FSD1L: variants seen among roughly 807,000 people sequenced by gnomAD.
FSD1L encodes the protein FSD1-like protein.
Under a neutral mutation model 71.6 loss-of-function variants are expected in FSD1L, and 45 were observed. That is an observed-to-expected ratio of 0.63 (90% CI 0.49 to 0.81). The LOEUF (loss-of-function observed/expected upper bound fraction) is 0.81, where lower values mean the gene tolerates loss of function less well. Ranked by LOEUF, FSD1L falls within the 30% of genes least tolerant of loss-of-function variation. FSD1L has a pLI of 0.00. For synonymous variants in FSD1L, 197 were observed against 207.2 expected, an observed-to-expected ratio of 0.95 and a Z score of 0.42; for missense variants, 561 against 618.1, an observed-to-expected ratio of 0.91 and a Z score of 0.98.
intron 1 of FSD1L, among the ~76,000 whole-genome samples, chr9:105,448,507 C>G (rs562545480): frequency 4.6e-5 from 7 of 152,358 alleles, no homozygotes; most frequent in Admixed American, 4.6e-4. Context: ...GGAGCCATCC[C>G]CCTTTTAAAA....
chr9:105,456,179 ATC>A (rs1172229149), intron 1 of FSD1L, among the ~76,000 whole-genome samples: 1 of 152,122 alleles, frequency 6.6e-6, no homozygotes, highest in Non-Finnish European at 1.5e-5. Context: ...TGAACCTCTG[ATC>A]TCTGTTTTAT....
chr9:105,514,169 T>A (rs1834561750), intron 10 of FSD1L, among the ~76,000 whole-genome samples: 1 of 152,244 alleles, frequency 6.6e-6, no homozygotes, highest in Non-Finnish European at 1.5e-5. Context: ...ATATCTTTAC[T>A]GGAAACCAGA....
At position 105,448,154 on chromosome 9, in the gene FSD1L, A is replaced by G. The variant is rs1829739793; in HGVS notation, c.-67A>G. On this transcript the variant is annotated 5_prime_UTR_variant, in exon 1 of 14. Coordinates refer to ENST00000481272, the MANE Select transcript of FSD1L (RefSeq NM_001145313.3). ...GTGAGTAGCGGTCTTGGGGTGTGCG[A>G]TCTCGCTGAGCCTCCTCACACGGTT... is the stretch of plus-strand genomic sequence containing the variant. The G allele has an allele frequency of 6.6e-7, 1 of 1,508,766 alleles. No homozygotes were observed. Among genetic ancestry groups the G allele is most frequent in the African/African-American group, 1.4e-5 (1 of 70,272 alleles). The allele number at this position is 1,508,766 out of a possible 1,614,324, so 93.5% of individuals were successfully genotyped here.
rs76720382 is a variant in FSD1L at position 105,543,296 on chromosome 9, T to C, written c.1468-3062T>C. ...TTTAAGCTTGTGTCTACTATTAATA[T>C]ATACGGTAGTTGATGATAGTGTCAA... On this transcript the variant is annotated intron_variant, in intron 13 of 13. Transcript: ENST00000481272. Among the ~76,000 whole-genome samples the C allele has an allele frequency of 3.9e-3, 598 of 152,292 alleles. 6 individuals carry two copies. Among genetic ancestry groups the C allele is most frequent in the African/African-American group, 0.013 (544 of 41,566 alleles).
chr9:105,534,531 C>T lies in FSD1L; in HGVS notation c.1064C>T (p.Ser355Phe), dbSNP rs771837196. The T allele has an allele frequency of 6.4e-7, 1 of 1,550,936 alleles. No individual in the cohort carries two copies. The highest frequency in any genetic ancestry group is 1.2e-5 in the South Asian group (1 of 83,996). Residue 355 changes from serine to phenylalanine, a missense_variant, in exon 11 of 14, where the codon TCC becomes TTC. Around this residue, in one of 3 missense-constraint regions of FSD1L, gnomAD observed 410 missense variants for 413.5 expected, o/e 0.99. Transcript: ENST00000481272. ...TPSPKRTSVG[S>F]RPPAVRGSRD... is the part of the protein sequence containing the mutation. ...TCCCCAAAACGAACATCTGTAGGCTCCAGGCCACCAGCAGTAAGAGGCAGT... is the reference window on the plus strand; with the variant it reads ...TCCCCAAAACGAACATCTGTAGGCTTCAGGCCACCAGCAGTAAGAGGCAGT...
intron 1 of FSD1L, among the ~76,000 whole-genome samples, chr9:105,451,450 G>A (rs999073413): frequency 1.5e-4 from 23 of 152,164 alleles, no homozygotes; most frequent in African/African-American, 4.1e-4. Flanking sequence ...GTCAACAAAT[G>A]GATTAGCTTG....
At chr9:105,460,826 C>T (rs1038558411) in intron 1 of FSD1L, among the ~76,000 whole-genome samples, 4 of 152,038 alleles carry the variant, frequency 2.6e-5, no homozygotes, top group Admixed American at 1.3e-4. Flanking sequence ...CATGAGTGAA[C>T]GGTGTAAATT....
intron 6 of FSD1L, among the ~76,000 whole-genome samples, chr9:105,481,820 T>C (rs1832222633): frequency 6.6e-6 from 1 of 151,958 alleles, no homozygotes; most frequent in Non-Finnish European, 1.5e-5. Flanking sequence ...TCACCCAGGC[T>C]GGAGTGCAGT....
intron 12 of FSD1L, among the ~76,000 whole-genome samples, chr9:105,536,909 T>G (rs57597571): frequency 0.28 from 42,059 of 152,072 alleles, 6,058 homozygotes; most frequent in Non-Finnish European, 0.31. Flanking sequence ...AGTGCAGGGA[T>G]TACTGCCATG....
intron 7 of FSD1L, among the ~76,000 whole-genome samples, chr9:105,498,765 T>G (rs936916140): frequency 7.9e-5 from 12 of 152,186 alleles, no homozygotes; most frequent in African/African-American, 2.4e-4. Flanking sequence ...ATTTATTCTT[T>G]GACTATGTGT....
intron 10 of FSD1L, chr9:105,524,008 C>T (rs1835347172): frequency 6.3e-7 from 1 of 1,598,398 alleles, no homozygotes; most frequent in Non-Finnish European, 8.6e-7. Context: ...TGTGAACTGC[C>T]TTCTCTTCAT....
chr9:105,467,719 T>G (rs1393504607), intron 3 of FSD1L, among the ~76,000 whole-genome samples: 2 of 152,218 alleles, frequency 1.3e-5, no homozygotes, highest in African/African-American at 4.8e-5. Context: ...ATTTTAAAAT[T>G]TAGACAAAAT....
chr9:105,521,616 A>G (rs1247226054), intron 10 of FSD1L: 6 of 1,612,812 alleles, frequency 3.7e-6, no homozygotes, highest in South Asian at 1.1e-5. Flanking sequence ...GCCTGAAGAA[A>G]TTGTGATCAC....
chr9:105,461,375 C>A, intron 1 of FSD1L, 145 bp from the exon 2 acceptor site: 1 of 425,776 alleles, frequency 2.3e-6, no homozygotes, highest in East Asian at 3.6e-5. Flanking sequence ...AAGAAAAACT[C>A]ATTAATTGTT....
intron 10 of FSD1L, among the ~76,000 whole-genome samples, chr9:105,529,783 AAG>A (rs926317350): frequency 3.9e-5 from 6 of 152,228 alleles, no homozygotes; most frequent in African/African-American, 1.2e-4. Flanking sequence ...TTAAAAAAAA[AAG>A]AGAAAAAAAA....
At chr9:105,510,045 G>A (rs1834304856) in intron 9 of FSD1L, among the ~76,000 whole-genome samples, 1 of 152,128 alleles carries the variant, frequency 6.6e-6, no homozygotes, top group Non-Finnish European at 1.5e-5. Context: ...GGACCTAAAT[G>A]TGGTGAATTA....
At chr9:105,453,172 TATTTTA>T (rs1286603987) in intron 1 of FSD1L, among the ~76,000 whole-genome samples, 1 of 147,920 alleles carries the variant, frequency 6.8e-6, no homozygotes, top group Non-Finnish European at 1.5e-5. Flanking sequence ...TAAAAATCAC[TATTTTA>T]ATTTTAATTT....
intron 7 of FSD1L, among the ~76,000 whole-genome samples, chr9:105,490,997 T>A (rs2131744187): frequency 6.6e-6 from 1 of 151,486 alleles, no homozygotes; most frequent in African/African-American, 2.4e-5. Context: ...GGGCTCTTTT[T>A]TGGTTCCATA....
chr9:105,527,296 A>G (rs531120312), intron 10 of FSD1L, among the ~76,000 whole-genome samples: 5 of 150,272 alleles, frequency 3.3e-5, no homozygotes, highest in East Asian at 1.9e-4. Context: ...TGGTGTTTCT[A>G]TGTTCTTTTT....
Sources: gnomAD v4.1 joint callset for allele counts (sites outside exome capture counted in the v4.1 genomes callset) on GRCh38, gnomAD v4.1.1 for gene constraint, gnomAD v4.1.1 regional missense constraint, MANE v1.5 for transcripts, NCBI Gene and HGNC (gene_info 2026-07-23, HGNC 2026-07-21) for gene names.